PLCL1: variants seen among roughly 807,000 people sequenced by gnomAD.
PLCL1 encodes phospholipase C like 1 (inactive), also known as inactive phospholipase C-like protein 1.
Under a neutral mutation model 84.4 loss-of-function variants are expected in PLCL1, and 41 were observed. That is an observed-to-expected ratio of 0.49 (90% CI 0.38 to 0.63). The LOEUF (loss-of-function observed/expected upper bound fraction) is 0.63. Among genes scored for constraint, PLCL1 ranks in the 30% least tolerant of loss-of-function variants. PLCL1 has a pLI of 0.00. For missense variants in PLCL1, 1,206 were observed against 1,367.8 expected (o/e 0.88, Z 1.87); for synonymous variants, 490 against 488.3 (o/e 1.00, Z -0.05).
intron 5 of PLCL1, among the ~76,000 whole-genome samples, chr2:198,134,400 T>C (rs182106866): frequency 2.6e-5 from 4 of 152,252 alleles, no homozygotes; most frequent in East Asian, 1.9e-4. Flanking sequence ...AGAAGTAGCA[T>C]GTTTTATTTT....
intron 1 of PLCL1, among the ~76,000 whole-genome samples, chr2:197,827,093 T>G (rs1690945657): frequency 6.6e-6 from 1 of 152,218 alleles, no homozygotes; most frequent in Non-Finnish European, 1.5e-5. Flanking sequence ...ACATGGTAGT[T>G]CTGCCTCCAG....
At chr2:197,975,147 CAAAAAAAAAAAAA>C (rs71015804) in intron 1 of PLCL1, among the ~76,000 whole-genome samples, 6 of 19,908 alleles carry the variant, frequency 3.0e-4, no homozygotes, top group Admixed American at 6.3e-4. Flanking sequence ...GACTCCATCT[CAAAAAAAAAAAAA>C]AAAAAAAAAA....
At chr2:198,052,538 A>C (rs1691963039) in intron 1 of PLCL1, among the ~76,000 whole-genome samples, 3 of 151,782 alleles carry the variant, frequency 2.0e-5, no homozygotes, top group South Asian at 4.2e-4. Flanking sequence ...AAAAAAAAAA[A>C]CCATTACCTT....
intron 5 of PLCL1, among the ~76,000 whole-genome samples, chr2:198,109,148 C>T (rs1693558334): frequency 6.6e-6 from 1 of 151,776 alleles, no homozygotes; most frequent in African/African-American, 2.4e-5. Flanking sequence ...GTTCTTGGGG[C>T]TGAGAAATCC....
chr2:198,109,587 G>A (rs1435192006), intron 5 of PLCL1, among the ~76,000 whole-genome samples: 3 of 151,848 alleles, frequency 2.0e-5, no homozygotes, highest in Non-Finnish European at 4.4e-5. Flanking sequence ...ACTCATGAGA[G>A]TTCTGAAGAT....
At chr2:197,922,870 A>G (rs1574950233) in intron 1 of PLCL1, among the ~76,000 whole-genome samples, 1 of 115,228 alleles carries the variant, frequency 8.7e-6, no homozygotes, top group African/African-American at 3.2e-5. Context: ...GGCGCCCCTC[A>G]CCTCCCAGAC....
At chr2:198,129,344 A>G (rs890069503) in intron 5 of PLCL1, among the ~76,000 whole-genome samples, 1 of 152,112 alleles carries the variant, frequency 6.6e-6, no homozygotes, top group African/African-American at 2.4e-5. Context: ...TTGGTCTCCA[A>G]CAACACCCCT....
intron 1 of PLCL1, among the ~76,000 whole-genome samples, chr2:197,896,590 T>C (rs765897763): frequency 1.3e-5 from 2 of 152,070 alleles, no homozygotes; most frequent in Non-Finnish European, 2.9e-5. Flanking sequence ...ATGGTAGATG[T>C]GTAAAATGTG....
chr2:198,021,201 G>C (rs1281276687), intron 1 of PLCL1, among the ~76,000 whole-genome samples: 1 of 152,172 alleles, frequency 6.6e-6, no homozygotes, highest in Non-Finnish European at 1.5e-5. Context: ...TGAAACCAAT[G>C]AGAACAAAGA....
At chr2:198,057,363 G>A (rs918017683) in intron 1 of PLCL1, among the ~76,000 whole-genome samples, 7 of 152,098 alleles carry the variant, frequency 4.6e-5, no homozygotes, top group African/African-American at 1.2e-4. Context: ...TGTGGGGGTA[G>A]TAGGGAGGAT....
At chr2:198,128,939 T>C (rs1223973600) in intron 5 of PLCL1, among the ~76,000 whole-genome samples, 1 of 152,186 alleles carries the variant, frequency 6.6e-6, no homozygotes, top group Non-Finnish European at 1.5e-5. Context: ...CGCTGCATTA[T>C]ACTTTCCTCC....
rs903926517 is a variant in PLCL1 at position 198,080,658 on chromosome 2, C to T, written c.241-3100C>T. 7.9e-5 allele frequency among the ~76,000 whole-genome samples: 12 copies of T among 152,256 alleles called. No individual in the cohort carries two copies. The East Asian group carries it at 9.7e-4, about 12-fold the overall frequency. ...TATCAGACAACTGAACCTTTTCCAGCGTATTTTGAATGTACGTAATCTTGG... is the reference window on the plus strand; with the variant it reads ...TATCAGACAACTGAACCTTTTCCAGTGTATTTTGAATGTACGTAATCTTGG... On this transcript the variant is annotated intron_variant, in intron 1 of 5. Coordinates refer to ENST00000428675, the MANE Select transcript of PLCL1 (RefSeq NM_006226.4).
chr2:198,095,428 GTGT>G (rs2105907644), intron 3 of PLCL1, among the ~76,000 whole-genome samples: 1 of 152,234 alleles, frequency 6.6e-6, no homozygotes, highest in South Asian at 2.1e-4. Context: ...CTTAAATTGG[GTGT>G]TGTTAAGAGT....
intron 5 of PLCL1, among the ~76,000 whole-genome samples, chr2:198,124,872 G>A (rs1693950184): frequency 6.6e-6 from 1 of 152,132 alleles, no homozygotes; most frequent in Admixed American, 6.5e-5. Context: ...TTTAGCCCGT[G>A]CTGTCCAATG....
At chr2:197,929,460 C>T (rs931656212) in intron 1 of PLCL1, among the ~76,000 whole-genome samples, 3 of 152,170 alleles carry the variant, frequency 2.0e-5, no homozygotes, top group Non-Finnish European at 4.4e-5. Context: ...GAAGTGGCTG[C>T]AGCTGTTATT....
In PLCL1 at chr2:198,149,010, G is replaced by T. The variant is rs1694587381; in HGVS notation, c.*2048G>T. The T allele has an allele frequency of 6.6e-6, 1 of 152,286 alleles. No individual in the cohort carries two copies. The highest frequency in any genetic ancestry group is 2.4e-5 in the African/African-American group (1 of 41,444). The allele number at this position is 152,286 out of a possible 1,614,324, so 9.4% of individuals were successfully genotyped here. A position where few individuals can be genotyped will look rare whatever the true frequency, so the allele number is the denominator to read the frequency against. On this transcript the variant is annotated 3_prime_UTR_variant, in exon 6 of 6. Coordinates refer to ENST00000428675, the MANE Select transcript of PLCL1 (RefSeq NM_006226.4). ...TTCTGCCTCATCTGATGCTATTTCT[G>T]GCAGTGGGTTGTCAGCCATACTCTG...
chr2:198,120,249 T>G (rs1693837474), intron 5 of PLCL1, among the ~76,000 whole-genome samples: 1 of 152,038 alleles, frequency 6.6e-6, no homozygotes, highest in Non-Finnish European at 1.5e-5. Flanking sequence ...GGTACAGACA[T>G]GCAATGCATA....
intron 5 of PLCL1, among the ~76,000 whole-genome samples, chr2:198,104,639 G>A (rs1473561750): frequency 2.6e-5 from 4 of 151,982 alleles, no homozygotes; most frequent in Non-Finnish European, 5.9e-5. Flanking sequence ...ATGGCTGAAT[G>A]AATTTACATT....
intron 1 of PLCL1, among the ~76,000 whole-genome samples, chr2:198,001,682 C>A (rs1242198026): frequency 6.6e-6 from 1 of 152,042 alleles, no homozygotes; most frequent in East Asian, 1.9e-4. Context: ...GTTCCCAAAC[C>A]CCGGTACGGT....
Sources: allele counts gnomAD v4.1 joint callset (sites outside exome capture counted in the v4.1 genomes callset), GRCh38; gene constraint gnomAD v4.1.1; transcripts MANE v1.5; gene names NCBI Gene and HGNC (gene_info 2026-07-23, HGNC 2026-07-21).